BAIAP2: variants seen among roughly 807,000 people sequenced by gnomAD.
The protein encoded by BAIAP2 is BAR/IMD domain containing adaptor protein 2, also known as BAR/IMD domain-containing adapter protein 2.
In BAIAP2, 18 loss-of-function variants were observed where a neutral mutation model predicts 63.0. The ratio of observed to expected loss-of-function variants is 0.29; its 90% CI spans 0.20 to 0.42. The LOEUF is 0.42. Ranked by LOEUF, BAIAP2 falls within the 10% of genes least tolerant of loss-of-function variation. The probability of loss-of-function intolerance (pLI) is 1.00; values close to 1 mark genes in which losing one functional copy is unlikely to be tolerated. For missense variants in BAIAP2, 610 were observed against 734.3 expected (o/e 0.83, Z 1.96); for synonymous variants, 386 against 307.6 (o/e 1.25, Z -2.67).
chr17:81,099,812 A>G, intron 6 of BAIAP2, 116 bp from the exon 7 acceptor site: 1 of 1,239,372 alleles, frequency 8.1e-7, no homozygotes, highest in African/African-American at 1.5e-5. Flanking sequence ...TTTTGTTTCC[A>G]GCTGCTCTGC....
chr17:81,075,792 T>A (rs893361019), intron 3 of BAIAP2, among the ~76,000 whole-genome samples: 4 of 152,208 alleles, frequency 2.6e-5, no homozygotes, highest in Admixed American at 2.6e-4. Flanking sequence ...CTCCCCTCCG[T>A]GGGCACATTG....
In BAIAP2 at chr17:81,100,146, T is replaced by TGCCCCA. The variant is rs373663751; in HGVS notation, c.642+78_642+83dup. The TGCCCCA allele has an allele frequency of 5.8e-3, 8,795 of 1,529,392 alleles. 116 individuals are homozygous for TGCCCCA. Among genetic ancestry groups the TGCCCCA allele is most frequent in the South Asian group, 6.8e-3 (549 of 81,064 alleles). 94.7% of individuals were successfully genotyped at this position (1,529,392 alleles called of 1,614,324 possible). On this transcript the variant is annotated intron_variant, in intron 7 of 13. Transcript: ENST00000428708. ...TGCTGGCAGAAATGACCCAGGCCCCTGCCCCAGCCCCAGCCCCGTGAACAC... is the reference window on the plus strand; with the variant it reads ...TGCTGGCAGAAATGACCCAGGCCCCTGCCCCAGCCCCAGCCCCAGCCCCGTGAACAC...
At chr17:81,113,279 G>A (rs2060122295) in intron 13 of BAIAP2, among the ~76,000 whole-genome samples, 1 of 152,200 alleles carries the variant, frequency 6.6e-6, no homozygotes, top group African/African-American at 2.4e-5. Context: ...TGGCTGGAGA[G>A]GTGCTGGTGG....
intron 2 of BAIAP2, among the ~76,000 whole-genome samples, chr17:81,055,756 G>T (rs565343520): frequency 1.2e-4 from 18 of 151,606 alleles, no homozygotes; most frequent in African/African-American, 4.4e-4. Context: ...TAGTAGAGAC[G>T]GGGTTTCACT....
intron 13 of BAIAP2, among the ~76,000 whole-genome samples, chr17:81,113,634 C>A (rs989264307): frequency 6.6e-6 from 1 of 152,124 alleles, no homozygotes; most frequent in Non-Finnish European, 1.5e-5. Context: ...CCCCTGCCCC[C>A]GTCAGGCTGA....
chr17:81,060,928 G>A (rs1015418834), intron 3 of BAIAP2, among the ~76,000 whole-genome samples: 2 of 152,060 alleles, frequency 1.3e-5, no homozygotes, highest in African/African-American at 2.4e-5. Context: ...TTCGAGACCA[G>A]CCTGGGCAAC....
In BAIAP2 at chr17:81,086,479, A is replaced by C; in HGVS notation, c.388A>C (p.Lys130Gln). Residue 130 changes from lysine (K) to glutamine (Q), a missense_variant, in exon 6 of 14, where the codon AAA becomes CAA. Lys to Gln is a moderately conservative substitution (Grantham distance 53). Transcript: ENST00000428708. ...LKKYQTEQRS[K>Q]GDALDKCQAE... ...GAAATACCAGACTGAGCAAAGGAGC[A>C]AAGGCGACGCCCTGGACAAGTGTCA... is the stretch of plus-strand genomic sequence containing the variant. The C allele has an allele frequency of 6.2e-7, 1 of 1,614,100 alleles. No individual in the cohort carries two copies. Among genetic ancestry groups the C allele is most frequent in the Non-Finnish European group, 8.5e-7 (1 of 1,180,024 alleles).
chr17:81,043,449 C>T (rs1312901105), intron 1 of BAIAP2, among the ~76,000 whole-genome samples: 5 of 152,196 alleles, frequency 3.3e-5, no homozygotes, highest in African/African-American at 1.2e-4. Flanking sequence ...CTGTGGGCTG[C>T]GGTCCGACCG....
chr17:81,051,168 G>A (rs1742127772), intron 1 of BAIAP2, among the ~76,000 whole-genome samples: 2 of 151,988 alleles, frequency 1.3e-5, no homozygotes, highest in Non-Finnish European at 2.9e-5. Flanking sequence ...TGCTAACGCT[G>A]CTGTGCTCCA....
In BAIAP2 at chr17:81,111,566, C is replaced by A. The variant is rs538754641; in HGVS notation, c.1535+3057C>A. Among the ~76,000 whole-genome samples the A allele has an allele frequency of 2.6e-5, 4 of 151,682 alleles. No individual in the cohort carries two copies. In the East Asian group the frequency reaches 5.9e-4, roughly 22 times the overall value. On this transcript the variant is annotated intron_variant, in intron 13 of 13. Transcript: ENST00000428708. ...CCATCCCTAGTGTGGATCTGCAGAC[C>A]TGGAGGGCTGCTGGGTCCAGGTTTG...
intron 1 of BAIAP2, among the ~76,000 whole-genome samples, chr17:81,043,847 G>A (rs1053179897): frequency 1.3e-5 from 2 of 152,246 alleles, no homozygotes; most frequent in African/African-American, 2.4e-5. Context: ...CTGTCCTTCC[G>A]TTCGGGAGTT....
chr17:81,105,550 A>AG (rs1312778157), intron 10 of BAIAP2: 2 of 156,038 alleles, frequency 1.3e-5, no homozygotes, highest in Non-Finnish European at 2.8e-5. Flanking sequence ...AGGCTGGGCC[A>AG]GGGTGCCACC....
intron 6 of BAIAP2, among the ~76,000 whole-genome samples, chr17:81,096,502 G>A (rs1598758609): frequency 6.6e-6 from 1 of 152,262 alleles, no homozygotes; most frequent in Non-Finnish European, 1.5e-5. Flanking sequence ...GGAGGAGCGG[G>A]GCAGGACCCT....
At chr17:81,084,083 C>T (rs986894990) in intron 3 of BAIAP2, among the ~76,000 whole-genome samples, 9 of 152,292 alleles carry the variant, frequency 5.9e-5, no homozygotes, top group East Asian at 5.8e-4. Flanking sequence ...TGTGCCGCCA[C>T]GATTTTGATT....
intron 13 of BAIAP2, chr17:81,109,022 T>C: frequency 6.5e-7 from 1 of 1,541,552 alleles, no homozygotes; most frequent in Non-Finnish European, 8.8e-7. Flanking sequence ...GGGCAGCCGC[T>C]GCTCTGAAGA....
intron 1 of BAIAP2, among the ~76,000 whole-genome samples, chr17:81,043,736 C>G (rs754794849): frequency 1.3e-5 from 2 of 152,166 alleles, no homozygotes; most frequent in Non-Finnish European, 2.9e-5. Flanking sequence ...AGGGGATCCT[C>G]GGTTCAGGGA....
At chr17:81,045,465 C>T (rs192584026) in intron 1 of BAIAP2, among the ~76,000 whole-genome samples, 2 of 152,132 alleles carry the variant, frequency 1.3e-5, no homozygotes, top group African/African-American at 4.8e-5. Flanking sequence ...AGGAGCCTGG[C>T]GGGTAGGGCA....
rs963825518 is a variant in BAIAP2 at position 81,106,856 on chromosome 17, C to T, written c.1449C>T (p.Ala483=). 14 of 1,607,048 alleles carry T rather than the reference C, an allele frequency of 8.7e-6. No individual in the cohort carries two copies. Among genetic ancestry groups the T allele is most frequent in the African/African-American group, 8.0e-5 (6 of 74,878 alleles). ...AASRAFPAQT[A]SGFKQRPYSV... ...CCCGGGCCTTCCCCGCCCAGACGGC[C>T]AGCGGCTTCAAGCAGAGGCCCTACA... Residue 483 remains alanine (A), a synonymous_variant, in exon 12 of 14, where the codon GCC becomes GCT. Transcript: ENST00000428708.
At chr17:81,043,864 G>A (rs1471473169) in intron 1 of BAIAP2, among the ~76,000 whole-genome samples, 1 of 152,266 alleles carries the variant, frequency 6.6e-6, no homozygotes, top group Non-Finnish European at 1.5e-5. Flanking sequence ...AGTTCGAGGA[G>A]TTCAGGAAGG....
Sources: allele counts gnomAD v4.1 joint callset (sites outside exome capture counted in the v4.1 genomes callset), GRCh38; gene constraint gnomAD v4.1.1; transcripts MANE v1.5; gene names NCBI Gene and HGNC (gene_info 2026-07-23, HGNC 2026-07-21).